The following ARHGAP24 variants were observed in gnomAD, a reference collection of about 807,000 sequenced individuals.
ARHGAP24 encodes the protein Rho GTPase activating protein 24, also known as rho GTPase-activating protein 24.
Under a neutral mutation model 76.4 loss-of-function variants are expected in ARHGAP24, and 50 were observed. That is an observed-to-expected ratio of 0.65 (90% confidence interval 0.52 to 0.83). The LOEUF (loss-of-function observed/expected upper bound fraction) is 0.83. ARHGAP24 is among the 40% of genes least tolerant of loss of function. The probability of loss-of-function intolerance (pLI) is 0.00; values close to 1 mark genes in which losing one functional copy is unlikely to be tolerated. For synonymous variants in ARHGAP24, 345 were observed against 323.3 expected (o/e 1.07, Z -0.72); for missense variants, 930 against 914.2 (o/e 1.02, Z -0.22).
At chr4:85,754,956 G>A (rs1205380413) in intron 3 of ARHGAP24, among the ~76,000 whole-genome samples, 2 of 152,250 alleles carry the variant, frequency 1.3e-5, no homozygotes, top group South Asian at 2.1e-4. Context: ...TAGGCGAAGC[G>A]TGTGAAGGAT....
intron 3 of ARHGAP24, among the ~76,000 whole-genome samples, chr4:85,780,172 TTTTTTAG>T (rs975031852): frequency 2.0e-5 from 3 of 151,994 alleles, no homozygotes; most frequent in South Asian, 2.1e-4. Context: ...TTATTTTTTA[TTTTTTAG>T]TTTTATTTTT....
chr4:85,798,762 A>G (rs547028126), intron 3 of ARHGAP24, among the ~76,000 whole-genome samples: 1 of 152,348 alleles, frequency 6.6e-6, no homozygotes, highest in African/African-American at 2.4e-5. Flanking sequence ...GATAGTTAAA[A>G]ATTGTAGCAA....
At chr4:85,733,495 A>G (rs1370384473) in intron 3 of ARHGAP24, among the ~76,000 whole-genome samples, 1 of 152,144 alleles carries the variant, frequency 6.6e-6, no homozygotes, top group Non-Finnish European at 1.5e-5. Flanking sequence ...TTAAAATAAC[A>G]TTTTCTGTGC....
chr4:85,995,776 T>C, intron 9 of ARHGAP24, 119 bp downstream of exon 9: 1 of 1,004,162 alleles, frequency 1.0e-6, no homozygotes, highest in Non-Finnish European at 1.5e-6. Context: ...ACAAGTTTGC[T>C]CCATCATTTA....
chr4:85,864,569 C>A (rs1231676629), intron 3 of ARHGAP24, among the ~76,000 whole-genome samples: 1 of 151,274 alleles, frequency 6.6e-6, no homozygotes, highest in East Asian at 1.9e-4. Context: ...TGATGCCAAA[C>A]TTATGATAGA....
intron 1 of ARHGAP24, among the ~76,000 whole-genome samples, chr4:85,560,831 T>C (rs1014488978): frequency 4.6e-5 from 7 of 152,150 alleles, no homozygotes; most frequent in Admixed American, 3.9e-4. Flanking sequence ...TAAATTTGGG[T>C]TAGGTTTAAA....
intron 3 of ARHGAP24, among the ~76,000 whole-genome samples, chr4:85,915,647 A>G (rs953356896): frequency 6.9e-6 from 1 of 144,134 alleles, no homozygotes; most frequent in African/African-American, 2.6e-5. Flanking sequence ...TTCAACTCCC[A>G]CTTATGAGTG....
intron 2 of ARHGAP24, among the ~76,000 whole-genome samples, chr4:85,596,823 G>A (rs1045011127): frequency 1.3e-5 from 2 of 151,944 alleles, no homozygotes; most frequent in African/African-American, 2.4e-5. Flanking sequence ...TTAGGAGTAT[G>A]GGATCCAATT....
At chr4:85,573,315 A>G (rs1727215045) in intron 2 of ARHGAP24, among the ~76,000 whole-genome samples, 1 of 152,204 alleles carries the variant, frequency 6.6e-6, no homozygotes, top group African/African-American at 2.4e-5. Context: ...AGAACTGACA[A>G]TTTCTGTATC....
chr4:85,872,907 T>A lies in ARHGAP24; in HGVS notation c.269-50741T>A, dbSNP rs116750159. ...GTGAACCACTGCACCTAGCAAAACATTTCTTCAACTAAAATGAATCCATTG... is the reference window on the plus strand; with the variant it reads ...GTGAACCACTGCACCTAGCAAAACAATTCTTCAACTAAAATGAATCCATTG... On this transcript the variant is annotated intron_variant, in intron 3 of 9. Transcript: ENST00000395184. Among the ~76,000 whole-genome samples, 377 of 152,208 alleles carry A rather than the reference T, an allele frequency of 2.5e-3. 2 individuals carry two copies. Among genetic ancestry groups the A allele is most frequent in the African/African-American group, 8.7e-3 (362 of 41,504 alleles).
chr4:85,691,399 C>G (rs1723651506), intron 2 of ARHGAP24, among the ~76,000 whole-genome samples: 1 of 152,104 alleles, frequency 6.6e-6, no homozygotes, highest in African/African-American at 2.4e-5. Flanking sequence ...TCTAGAATCT[C>G]TTTGTTAGGT....
intron 2 of ARHGAP24, among the ~76,000 whole-genome samples, chr4:85,658,929 C>A (rs970181259): frequency 1.3e-5 from 2 of 152,136 alleles, no homozygotes; most frequent in African/African-American, 4.8e-5. Context: ...TCAGTCTGTT[C>A]TGAAGCAGAG....
chr4:85,738,371 T>C (rs1465775996), intron 3 of ARHGAP24, among the ~76,000 whole-genome samples: 1 of 64,658 alleles, frequency 1.5e-5, no homozygotes, highest in African/African-American at 5.9e-5. Flanking sequence ...TGGGCTTTTA[T>C]TATTATTATT....
intron 3 of ARHGAP24, among the ~76,000 whole-genome samples, chr4:85,821,215 A>T (rs1489154078): frequency 6.6e-6 from 1 of 152,150 alleles, no homozygotes; most frequent in East Asian, 1.9e-4. Context: ...CTATAGATAT[A>T]ATTTTCTTTA....
chr4:85,536,501 AG>A, intron 1 of ARHGAP24, among the ~76,000 whole-genome samples: 1 of 152,258 alleles, frequency 6.6e-6, no homozygotes, highest in South Asian at 2.1e-4. Context: ...TTTCCAAAAA[AG>A]TTATACACTT....
At chr4:85,871,813 T>C (rs1243122796) in intron 3 of ARHGAP24, among the ~76,000 whole-genome samples, 3 of 152,162 alleles carry the variant, frequency 2.0e-5, no homozygotes, top group Non-Finnish European at 2.9e-5. Flanking sequence ...GATGGCACAT[T>C]GATCCATCCT....
chr4:85,486,893 C>A (rs1030799319), intron 1 of ARHGAP24, among the ~76,000 whole-genome samples: 2 of 151,796 alleles, frequency 1.3e-5, no homozygotes. Flanking sequence ...TAGTTCCTAT[C>A]GCTCCTCCTG....
chr4:85,648,271 C>A (rs1255387247), intron 2 of ARHGAP24, among the ~76,000 whole-genome samples: 1 of 152,044 alleles, frequency 6.6e-6, no homozygotes, highest in Non-Finnish European at 1.5e-5. Flanking sequence ...GATGAGGTAC[C>A]TTTTTCTCTT....
intron 3 of ARHGAP24, among the ~76,000 whole-genome samples, chr4:85,917,358 T>C (rs1233153182): frequency 1.3e-5 from 2 of 152,046 alleles, no homozygotes; most frequent in Non-Finnish European, 2.9e-5. Context: ...TTGTGAATAG[T>C]GCCGCAATAA....
Sources: allele counts gnomAD v4.1 joint callset (sites outside exome capture counted in the v4.1 genomes callset), GRCh38; gene constraint gnomAD v4.1.1; transcripts MANE v1.5; gene names NCBI Gene and HGNC (gene_info 2026-07-23, HGNC 2026-07-21).